Variants in AK9 observed in about 807,000 individuals in gnomAD.
AK9 encodes adenylate kinase domain containing 1.
A neutral mutation model predicts 239.6 loss-of-function variants in AK9; 191 were observed. The observed-to-expected ratio is 0.80, with a 90% CI of 0.71 to 0.90. The LOEUF (loss-of-function observed/expected upper bound fraction) is 0.90, where lower values mean the gene tolerates loss of function less well. Among genes scored for constraint, AK9 ranks in the 40% least tolerant of loss-of-function variants. The pLI is 0.00. For missense variants in AK9, 1,995 were observed against 2,214.7 expected (o/e 0.90, Z 1.99); for synonymous variants, 689 against 721.0 (o/e 0.96, Z 0.71).
At chr6:109,510,872 T>G (rs958142028) in intron 32 of AK9, among the ~76,000 whole-genome samples, 9 of 152,308 alleles carry the variant, frequency 5.9e-5, no homozygotes, top group African/African-American at 1.9e-4. Flanking sequence ...TTTCACAAAT[T>G]TATCAGTTCA....
Position 109,550,222 on chromosome 6 carries a change from G to T in AK9, c.2832C>A (p.Phe944Leu). The T allele has an allele frequency of 6.2e-7, 1 of 1,613,522 alleles. No homozygotes were observed. The part of the protein sequence containing the change: ...HFCPVVLKEN[F>L]ILQPGNTEEA... ...CTTCTGTGTTTCCTGGTTGCAGGAT[G>T]AAGTTTTCTTTGAGGACCACCGGAC... Residue 944 changes from phenylalanine (F) to leucine (L), a missense_variant, in exon 25 of 41, where the codon TTC becomes TTA. Phe to Leu is a conservative substitution (Grantham distance 22). Transcript: ENST00000424296.
Position 109,609,122 on chromosome 6 carries a change from T to C in AK9, c.1842+1243A>G, listed in dbSNP as rs563835021. ...AGCTACAGTTTACCATCTAATACTA[T>C]ATATATTCCTATATCAGAAGTGTAG... On this transcript the variant is annotated intron_variant, in intron 17 of 40. Transcript: ENST00000424296. Among the ~76,000 whole-genome samples the C allele has an allele frequency of 5.3e-5, 8 of 152,352 alleles. No homozygotes were observed. The South Asian group carries it at 1.7e-3, about 32-fold the overall frequency.
chr6:109,544,464 T>C (rs1221425858), intron 26 of AK9, among the ~76,000 whole-genome samples: 2 of 152,120 alleles, frequency 1.3e-5, no homozygotes, highest in Non-Finnish European at 2.9e-5. Flanking sequence ...TCAGCACCAT[T>C]ACCCCCTTGG....
At chr6:109,592,571 C>T (rs1448117540) in intron 17 of AK9, among the ~76,000 whole-genome samples, 4 of 151,822 alleles carry the variant, frequency 2.6e-5, no homozygotes, top group African/African-American at 9.7e-5. Context: ...CTCAGCCTCC[C>T]GAGTAGCTGG....
chr6:109,628,669 A>G (rs1367635701), intron 12 of AK9, among the ~76,000 whole-genome samples: 1 of 151,948 alleles, frequency 6.6e-6, no homozygotes, highest in Non-Finnish European at 1.5e-5. Flanking sequence ...ATGGGTGAAA[A>G]TTTTCATCTT....
chr6:109,627,133 C>CTTTTTTTTT (rs71018357), intron 12 of AK9, among the ~76,000 whole-genome samples: 2 of 67,306 alleles, frequency 3.0e-5, no homozygotes, highest in Non-Finnish European at 5.3e-5. Context: ...GATGTTTAAG[C>CTTTTTTTTT]TTTTTTTTTT....
intron 19 of AK9, among the ~76,000 whole-genome samples, chr6:109,583,328 C>A (rs1789095971): frequency 6.6e-6 from 1 of 152,116 alleles, no homozygotes; most frequent in African/African-American, 2.4e-5. Context: ...CAATGACTAA[C>A]AATATGACAG....
chr6:109,669,480 A>G (rs2128331544), intron 5 of AK9, among the ~76,000 whole-genome samples: 1 of 152,178 alleles, frequency 6.6e-6, no homozygotes, highest in Non-Finnish European at 1.5e-5. Flanking sequence ...TTTCAAAAGG[A>G]ATGCTTCCAG....
chr6:109,518,119 C>A (rs1015442715), intron 29 of AK9, among the ~76,000 whole-genome samples: 1 of 152,092 alleles, frequency 6.6e-6, no homozygotes, highest in Non-Finnish European at 1.5e-5. Flanking sequence ...AATGACCAGG[C>A]CTCTGGTCAT....
chr6:109,551,694 T>C (rs143072934), intron 24 of AK9, among the ~76,000 whole-genome samples: 1 of 152,130 alleles, frequency 6.6e-6, no homozygotes, highest in East Asian at 1.9e-4. Context: ...CCTAAGCCCA[T>C]ATTTTAGTAA....
chr6:109,687,756 G>A (rs752400185), intron 1 of AK9, among the ~76,000 whole-genome samples: 1 of 152,220 alleles, frequency 6.6e-6, no homozygotes, highest in Non-Finnish European at 1.5e-5. Context: ...GGTGAGTGAT[G>A]CCAGGGCTCC....
chr6:109,508,987 G>C lies in AK9; in HGVS notation c.4481+192C>G, dbSNP rs114317724. ...GGGCCTGCCTGCTAATCTGGCATGTGAATTTTCAAGCCAAGTTTTTGCTTG... is the reference window on the plus strand; with the variant it reads ...GGGCCTGCCTGCTAATCTGGCATGTCAATTTTCAAGCCAAGTTTTTGCTTG... On this transcript the variant is annotated intron_variant, in intron 33 of 40. Transcript: ENST00000424296. Among the ~76,000 whole-genome samples the C allele has an allele frequency of 3.0e-3, 453 of 152,252 alleles. 6 individuals are homozygous for C. Among genetic ancestry groups the C allele is most frequent in the African/African-American group, 0.011 (442 of 41,550 alleles).
intron 19 of AK9, among the ~76,000 whole-genome samples, chr6:109,584,656 T>TTAATG (rs1789262719): frequency 6.6e-6 from 1 of 152,120 alleles, no homozygotes; most frequent in Non-Finnish European, 1.5e-5. Flanking sequence ...GAATAAGCCC[T>TTAATG]CAATGTTAAA....
In AK9 at chr6:109,501,244, G is replaced by A. The variant is rs78638605; in HGVS notation, c.4850-2004C>T. 2.6e-3 allele frequency among the ~76,000 whole-genome samples: 402 copies of A among 152,228 alleles called. 3 individuals carry two copies. Among genetic ancestry groups the A allele is most frequent in the African/African-American group, 9.1e-3 (376 of 41,538 alleles). ...AGGTTTTTGGATTTTGGAATCACAGGCCAGAGGTGTCATGTCACTTGATTG... is the reference window on the plus strand; with the variant it reads ...AGGTTTTTGGATTTTGGAATCACAGACCAGAGGTGTCATGTCACTTGATTG... On this transcript the variant is annotated intron_variant, in intron 35 of 40. Coordinates refer to ENST00000424296, the MANE Select transcript of AK9 (RefSeq NM_001145128.3).
At chr6:109,516,974 G>A (rs1442299619) in intron 29 of AK9, among the ~76,000 whole-genome samples, 1 of 151,776 alleles carries the variant, frequency 6.6e-6, no homozygotes, top group Non-Finnish European at 1.5e-5. Flanking sequence ...GTTTATAGTT[G>A]CTTGCAACTT....
In AK9 at chr6:109,516,446, TTA is replaced by T; in HGVS notation, c.3828_3829del (p.His1276GlnfsTer8). On this transcript the variant is annotated frameshift_variant, in exon 30 of 41. Transcript: ENST00000424296. LOFTEE classifies it high-confidence loss of function. ...AGTAATAACCTGTATTATTTGTAAA[TTA>T]TGTGTATCTGCTTCAAATTTTTCTC... 1 of 1,550,988 alleles carries T rather than the reference TTA, an allele frequency of 6.4e-7. No homozygotes were observed. Among genetic ancestry groups the T allele is most frequent in the Non-Finnish European group, 8.7e-7 (1 of 1,146,812 alleles).
intron 17 of AK9, among the ~76,000 whole-genome samples, chr6:109,588,890 TG>T (rs1789867132): frequency 6.6e-6 from 1 of 152,246 alleles, no homozygotes; most frequent in South Asian, 2.1e-4. Flanking sequence ...GTTGTAGGTA[TG>T]TGGCTTTAGT....
At chr6:109,610,890 G>A (rs1396088747) in intron 16 of AK9, among the ~76,000 whole-genome samples, 6 of 152,174 alleles carry the variant, frequency 3.9e-5, no homozygotes, top group Non-Finnish European at 8.8e-5. Flanking sequence ...CCAGTTACTA[G>A]CATGAGACTA....
chr6:109,650,266 A>G (rs1798730992), intron 8 of AK9, among the ~76,000 whole-genome samples: 1 of 151,992 alleles, frequency 6.6e-6, no homozygotes, highest in South Asian at 2.1e-4. Context: ...GCTTCTGCAC[A>G]GCAAAAGAAA....
Sources: allele counts gnomAD v4.1 joint callset (sites outside exome capture counted in the v4.1 genomes callset), GRCh38; gene constraint gnomAD v4.1.1; transcripts MANE v1.5; gene names NCBI Gene and HGNC (gene_info 2026-07-23, HGNC 2026-07-21).